The following DLG2 variants were observed in gnomAD, a reference collection of about 807,000 sequenced individuals.
DLG2 encodes the protein disks large homolog 2.
Under a neutral mutation model 132.5 loss-of-function variants are expected in DLG2, and 45 were observed. The ratio of observed to expected loss-of-function variants is 0.34; its 90% CI spans 0.27 to 0.44. The LOEUF (loss-of-function observed/expected upper bound fraction) is 0.44, where lower values mean the gene tolerates loss of function less well. DLG2 is among the 20% of genes least tolerant of loss of function. The probability of loss-of-function intolerance (pLI) is 1.00; values close to 1 mark genes in which losing one functional copy is unlikely to be tolerated. For missense variants in DLG2, 1,045 were observed against 1,196.9 expected, an observed-to-expected ratio of 0.87 and a Z score of 1.87; for synonymous variants, 424 against 419.6, an observed-to-expected ratio of 1.01 and a Z score of -0.13.
intron 7 of DLG2, among the ~76,000 whole-genome samples, chr11:84,425,627 T>C (rs1162985413): frequency 2.6e-5 from 4 of 152,138 alleles, no homozygotes; most frequent in Non-Finnish European, 5.9e-5. Context: ...GTTAACGGAA[T>C]GCTATATGCT....
chr11:84,837,538 T>C (rs926934382), intron 6 of DLG2, among the ~76,000 whole-genome samples: 5 of 151,800 alleles, frequency 3.3e-5, no homozygotes, highest in African/African-American at 1.2e-4. Context: ...TCAACCTGCT[T>C]ATTTTAGCTC....
At chr11:84,554,423 T>C (rs1424417076) in intron 6 of DLG2, among the ~76,000 whole-genome samples, 16 of 152,078 alleles carry the variant, frequency 1.1e-4, no homozygotes. Flanking sequence ...GAGCTTTCCT[T>C]CTAGTGGTGG....
intron 21 of DLG2, among the ~76,000 whole-genome samples, chr11:83,501,957 A>C (rs1451019290): frequency 6.6e-6 from 1 of 152,194 alleles, no homozygotes; most frequent in African/African-American, 2.4e-5. Context: ...TAACCCTGTA[A>C]GGAGGAGGAT....
intron 4 of DLG2, among the ~76,000 whole-genome samples, chr11:85,267,095 C>G (rs891475938): frequency 1.3e-5 from 2 of 152,138 alleles, no homozygotes; most frequent in Non-Finnish European, 1.5e-5. Flanking sequence ...GATTCCAATT[C>G]CCAATGTGAT....
At chr11:85,265,441 C>T (rs1046182541) in intron 4 of DLG2, among the ~76,000 whole-genome samples, 12 of 152,206 alleles carry the variant, frequency 7.9e-5, no homozygotes, top group African/African-American at 2.9e-4. Context: ...AACAGAATTC[C>T]TACTTTAGCC....
intron 19 of DLG2, chr11:83,631,773 T>C (rs770287825): frequency 6.6e-6 from 1 of 152,134 alleles, no homozygotes; most frequent in Non-Finnish European, 1.5e-5. Flanking sequence ...ATATAACCAT[T>C]TCAGTTACAC....
rs969995029 is a variant in DLG2 at position 85,388,712 on chromosome 11, G to C, written c.41-103347C>G. Among the ~76,000 whole-genome samples the C allele has an allele frequency of 4.6e-5, 7 of 152,248 alleles. No homozygotes were observed. The South Asian group carries it at 1.5e-3, about 32-fold the overall frequency. Reference sequence around the variant, plus strand: ...CTACCCAGTACCAGCCAGAAGCCTGGTAGCTCCTTTGGGTGGCTAGATCCA... The same window carrying C: ...CTACCCAGTACCAGCCAGAAGCCTGCTAGCTCCTTTGGGTGGCTAGATCCA... On this transcript the variant is annotated intron_variant, in intron 3 of 27. Transcript: ENST00000376104.
chr11:84,163,471 G>A lies in DLG2; in HGVS notation c.614C>T (p.Thr205Ile). 6.2e-7 allele frequency: 1 copy of A among 1,606,492 alleles called. No homozygotes were observed. Among genetic ancestry groups the A allele is most frequent in the Non-Finnish European group, 8.5e-7 (1 of 1,177,288 alleles). Residue 205 changes from threonine to isoleucine, a missense_variant, in exon 9 of 28, where the codon ACA becomes ATA. Coordinates refer to ENST00000376104, the MANE Select transcript of DLG2 (RefSeq NM_001142699.3). The stretch of plus-strand genomic sequence containing the variant: ...AAAATTTTTTCTTACCCTCTCCAGT[G>A]TAATTTCTTCAAATTCATATTCAAT... ...TEIEYEFEEI[T>I]LERGNSGLGF...
chr11:84,932,047 T>C (rs1310699162), intron 6 of DLG2, among the ~76,000 whole-genome samples: 1 of 152,150 alleles, frequency 6.6e-6, no homozygotes, highest in East Asian at 1.9e-4. Context: ...CTTTGCAAAA[T>C]TTTTCTCCCA....
At chr11:85,077,644 T>C (rs910299056) in intron 6 of DLG2, among the ~76,000 whole-genome samples, 1 of 151,928 alleles carries the variant, frequency 6.6e-6, no homozygotes, top group East Asian at 1.9e-4. Context: ...TCAAAAGTTA[T>C]AAAAATGAAA....
chr11:84,261,129 A>G (rs2154357459), intron 7 of DLG2, among the ~76,000 whole-genome samples: 1 of 152,322 alleles, frequency 6.6e-6, no homozygotes, highest in African/African-American at 2.4e-5. Context: ...CAAGCTGCCA[A>G]TAACCTGGTT....
chr11:84,009,632 CA>C (rs1351547510), intron 11 of DLG2, among the ~76,000 whole-genome samples: 65 of 151,948 alleles, frequency 4.3e-4, no homozygotes, highest in African/African-American at 1.5e-3. Context: ...GGTGGGTGAC[CA>C]AGTTAATACT....
chr11:85,176,718 C>T (rs1345004715), intron 4 of DLG2, among the ~76,000 whole-genome samples: 3 of 152,060 alleles, frequency 2.0e-5, no homozygotes, highest in East Asian at 1.9e-4. Flanking sequence ...ATCCATCTGA[C>T]GAAGGTCTAA....
chr11:84,739,559 T>C (rs1369236705), intron 6 of DLG2, among the ~76,000 whole-genome samples: 2 of 152,128 alleles, frequency 1.3e-5, no homozygotes, highest in Admixed American at 6.6e-5. Flanking sequence ...TCTTTAAAAA[T>C]GGAAAGCTGC....
chr11:84,545,351 C>T, intron 6 of DLG2: 1 of 527,458 alleles, frequency 1.9e-6, no homozygotes, highest in South Asian at 1.5e-5. Context: ...CCATCATTTA[C>T]AAATCCATTA....
At chr11:84,114,235 G>T (rs771401134) in intron 9 of DLG2, among the ~76,000 whole-genome samples, 268 of 152,144 alleles carry the variant, frequency 1.8e-3, no homozygotes, top group Middle Eastern at 0.017. Flanking sequence ...AGCTCTTCAT[G>T]AATTTTAAGT....
At chr11:84,973,345 T>C (rs1035012596) in intron 6 of DLG2, among the ~76,000 whole-genome samples, 1 of 152,140 alleles carries the variant, frequency 6.6e-6, no homozygotes, top group Admixed American at 6.5e-5. Context: ...TTAAATCAGA[T>C]AGTGCAGGAG....
At chr11:85,006,677 A>T (rs1170359955) in intron 6 of DLG2, among the ~76,000 whole-genome samples, 2 of 151,998 alleles carry the variant, frequency 1.3e-5, no homozygotes, top group Non-Finnish European at 2.9e-5. Flanking sequence ...CAAAAAAAAC[A>T]GTTCCTGGCT....
rs201546599 is a variant in DLG2, at chr11:84,332,915, G to A, written c.520-81624C>T. On this transcript the variant is annotated intron_variant, in intron 7 of 27. Transcript: ENST00000376104. ...TCCAGAAAGCACCCAGGCCATTCAA[G>A]AGGGAGTATTCAATAAGTCTCAATT... Among the ~76,000 whole-genome samples the A allele has an allele frequency of 1.5e-4, 23 of 152,278 alleles. No individual in the cohort carries two copies. In the East Asian group the frequency reaches 4.3e-3, roughly 28 times the overall value.
Sources: gnomAD v4.1 joint callset for allele counts (sites outside exome capture counted in the v4.1 genomes callset) on GRCh38, gnomAD v4.1.1 for gene constraint, MANE v1.5 for transcripts, NCBI Gene and HGNC (gene_info 2026-07-23, HGNC 2026-07-21) for gene names.